ARHGAP26: variants seen among roughly 807,000 people sequenced by gnomAD.
The protein encoded by ARHGAP26 is rho GTPase-activating protein 26.
ARHGAP26 carries 38 observed loss-of-function variants against 104.8 expected under a neutral mutation model. The observed-to-expected ratio is 0.36, with a 90% CI of 0.28 to 0.48. ARHGAP26 has a LOEUF of 0.48. Among genes scored for constraint, ARHGAP26 ranks in the 20% least tolerant of loss-of-function variants. ARHGAP26 has a pLI of 0.99. For missense variants in ARHGAP26, 704 were observed against 947.9 expected (o/e 0.74, Z 3.38); for synonymous variants, 341 against 340.0 (o/e 1.00, Z -0.03).
intron 18 of ARHGAP26, among the ~76,000 whole-genome samples, chr5:143,125,474 T>C (rs1796621436): frequency 6.6e-6 from 1 of 152,214 alleles, no homozygotes; most frequent in Non-Finnish European, 1.5e-5. Flanking sequence ...ACTAACGACA[T>C]GCTTACCCTG....
chr5:143,023,986 C>T (rs1253917561), intron 12 of ARHGAP26, among the ~76,000 whole-genome samples: 2 of 152,214 alleles, frequency 1.3e-5, no homozygotes, highest in Admixed American at 6.5e-5. Context: ...ATAATTCTAG[C>T]TCTCCCTAGG....
chr5:143,048,139 C>T (rs1458949818), intron 14 of ARHGAP26, among the ~76,000 whole-genome samples: 4 of 151,458 alleles, frequency 2.6e-5, no homozygotes, highest in South Asian at 2.1e-4. Flanking sequence ...CGTGAGCCAC[C>T]GCACCTGGCA....
At chr5:142,916,994 C>T (rs1240453502) in intron 10 of ARHGAP26, among the ~76,000 whole-genome samples, 2 of 151,264 alleles carry the variant, frequency 1.3e-5, no homozygotes, top group African/African-American at 2.4e-5. Context: ...CTGAGGTTCT[C>T]AGGAGCCTGT....
chr5:142,916,274 A>AT (rs1762475242), intron 10 of ARHGAP26, among the ~76,000 whole-genome samples: 1 of 152,238 alleles, frequency 6.6e-6, no homozygotes, highest in South Asian at 2.1e-4. Context: ...TTTATCCTTT[A>AT]TACTTAATGC....
chr5:142,927,705 T>G (rs1423376429), intron 10 of ARHGAP26, among the ~76,000 whole-genome samples: 1 of 152,220 alleles, frequency 6.6e-6, no homozygotes, highest in Non-Finnish European at 1.5e-5. Context: ...GTAGAATTGC[T>G]AGGTCATAGG....
intron 22 of ARHGAP26, 21 bp downstream of exon 22, chr5:143,214,109 CAAAGATATGG>C (rs1809948785): frequency 2.9e-6 from 3 of 1,030,998 alleles, no homozygotes; most frequent in South Asian, 1.5e-5. Flanking sequence ...CATCCCCTCA[CAAAGATATGG>C]GCGGGGGGCG....
intron 20 of ARHGAP26, among the ~76,000 whole-genome samples, chr5:143,198,548 G>C (rs1407510464): frequency 6.6e-6 from 1 of 152,144 alleles, no homozygotes; most frequent in Non-Finnish European, 1.5e-5. Context: ...TTCCCTTGAG[G>C]TTTTTCTGTA....
Position 143,220,216 on chromosome 5 carries a change from C to T in ARHGAP26, c.2192-2142C>T, listed in dbSNP as rs151316794. Among the ~76,000 whole-genome samples the T allele has an allele frequency of 6.2e-3, 947 of 152,266 alleles. 5 individuals carry two copies. The highest frequency in any genetic ancestry group is 7.3e-3 in the Non-Finnish European group (496 of 68,006). ...CAGTCTGGCTGCTTTATTCTTTCTA[C>T]GTTTTTATTTTGGAGAATGGGTTTG... On this transcript the variant is annotated intron_variant, in intron 22 of 22. Transcript: ENST00000645722.
At chr5:142,782,515 C>A (rs1209413185) in intron 1 of ARHGAP26, among the ~76,000 whole-genome samples, 1 of 152,136 alleles carries the variant, frequency 6.6e-6, no homozygotes, top group Non-Finnish European at 1.5e-5. Context: ...CCAGGTGATT[C>A]TAATGTGCAG....
intron 19 of ARHGAP26, among the ~76,000 whole-genome samples, chr5:143,141,919 C>T (rs1191884839): frequency 6.6e-6 from 1 of 152,170 alleles, no homozygotes; most frequent in Non-Finnish European, 1.5e-5. Flanking sequence ...CAATCCCAGG[C>T]CACCCACAGT....
At chr5:142,872,544 A>G (rs1755468681) in intron 1 of ARHGAP26, among the ~76,000 whole-genome samples, 1 of 152,228 alleles carries the variant, frequency 6.6e-6, no homozygotes, top group South Asian at 2.1e-4. Context: ...CTGCCAGTCC[A>G]CTTAAAGGTA....
chr5:142,903,681 G>T lies in ARHGAP26; in HGVS notation c.832+12G>T. The T allele has an allele frequency of 6.2e-7, 1 of 1,612,524 alleles. No homozygotes were observed. The highest frequency in any genetic ancestry group is 1.1e-5 in the South Asian group (1 of 90,736). On this transcript the variant is annotated intron_variant, in intron 8 of 22. Transcript: ENST00000645722. ...CGTGCAGGAGAAACGTGAGTGCTTT[G>T]ACTAGCAACAGCTTGGGATGTACTC...
intron 1 of ARHGAP26, among the ~76,000 whole-genome samples, chr5:142,835,613 TG>T (rs1168273628): frequency 9.2e-5 from 14 of 152,234 alleles, no homozygotes; most frequent in Admixed American, 9.2e-4. Flanking sequence ...GGTGATTTCG[TG>T]ATTTGGTAAT....
At chr5:142,895,737 C>G (rs1045981037) in intron 6 of ARHGAP26, among the ~76,000 whole-genome samples, 8 of 152,070 alleles carry the variant, frequency 5.3e-5, no homozygotes, top group African/African-American at 1.9e-4. Flanking sequence ...GTAATCCTAG[C>G]ACTTTGAGAG....
intron 19 of ARHGAP26, among the ~76,000 whole-genome samples, chr5:143,139,598 C>T (rs1432144183): frequency 6.6e-6 from 1 of 152,154 alleles, no homozygotes; most frequent in Non-Finnish European, 1.5e-5. Flanking sequence ...GCTGCAGCCA[C>T]GTGACAGTCT....
chr5:143,039,330 C>CCTGAGTAA (rs78334573), intron 13 of ARHGAP26, among the ~76,000 whole-genome samples: 17,307 of 151,982 alleles, frequency 0.11, 1,355 homozygotes, highest in South Asian at 0.28. Context: ...ACCTCAGCCT[C>CCTGAGTAA]CTGAGTAACT....
chr5:143,102,241 A>G (rs6873805), intron 17 of ARHGAP26, among the ~76,000 whole-genome samples: 3,460 of 152,046 alleles, frequency 0.023, 116 homozygotes, highest in East Asian at 0.076. Context: ...TCTTCTCTTC[A>G]CTTCCTGCCT....
intron 14 of ARHGAP26, among the ~76,000 whole-genome samples, chr5:143,045,347 A>G: frequency 6.6e-6 from 1 of 152,234 alleles, no homozygotes; most frequent in East Asian, 1.9e-4. Context: ...TCTAATTGAA[A>G]GTTGAGAATG....
intron 10 of ARHGAP26, among the ~76,000 whole-genome samples, chr5:142,913,548 G>A (rs761758506): frequency 6.6e-6 from 1 of 151,962 alleles, no homozygotes; most frequent in South Asian, 2.1e-4. Flanking sequence ...TCACTGGCTT[G>A]GTTTTGTTTT....
Sources: gnomAD v4.1 joint callset for allele counts (sites outside exome capture counted in the v4.1 genomes callset) on GRCh38, gnomAD v4.1.1 for gene constraint, MANE v1.5 for transcripts, NCBI Gene and HGNC (gene_info 2026-07-23, HGNC 2026-07-21) for gene names.